The following HIPK2 variants were observed in gnomAD, a reference collection of about 807,000 sequenced individuals.
The protein encoded by HIPK2 is homeodomain-interacting protein kinase 2.
A neutral mutation model predicts 113.7 loss-of-function variants in HIPK2; 27 were observed. The ratio of observed to expected loss-of-function variants is 0.24; its 90% CI spans 0.17 to 0.33. The LOEUF is 0.33. HIPK2 is among the 10% of genes least tolerant of loss of function. The pLI is 1.00. For missense variants in HIPK2, 1,257 were observed against 1,588.0 expected, an observed-to-expected ratio of 0.79 and a Z score of 3.54; for synonymous variants, 631 against 642.2, an observed-to-expected ratio of 0.98 and a Z score of 0.26.
intron 1 of HIPK2, among the ~76,000 whole-genome samples, chr7:139,749,414 C>A (rs555373456): frequency 1.1e-4 from 17 of 152,306 alleles, no homozygotes; most frequent in African/African-American, 4.1e-4. Flanking sequence ...TGCTAGAAAA[C>A]CTGGCTTGAA....
At chr7:139,715,833 G>C (rs1795216277) in intron 2 of HIPK2, 99 bp downstream of exon 2, 1 of 1,471,236 alleles carries the variant, frequency 6.8e-7, no homozygotes. Flanking sequence ...AGGAACTGTA[G>C]ACATATAATT....
intron 1 of HIPK2, among the ~76,000 whole-genome samples, chr7:139,775,969 G>C (rs569814545): frequency 2.6e-5 from 4 of 152,292 alleles, no homozygotes; most frequent in African/African-American, 9.6e-5. Context: ...AACTCACCGG[G>C]AGTGTCCAGC....
At chr7:139,642,799 G>A (rs926637199) in intron 2 of HIPK2, among the ~76,000 whole-genome samples, 2 of 152,224 alleles carry the variant, frequency 1.3e-5, no homozygotes, top group African/African-American at 2.4e-5. Context: ...CACCCATTGC[G>A]CTGGCTTCCA....
chr7:139,631,858 G>A lies in HIPK2; in HGVS notation c.1104-133C>T. On this transcript the variant is annotated intron_variant, in intron 2 of 14. Transcript: ENST00000406875. This position sits in a 1 kb window ranked among gnomAD's most constrained non-coding sequence, Gnocchi z 4.9. ...TGAAGGGCCTGTGGCTCTCAGGAGA[G>A]GCGCTGTGCTACAACAATCCTTCCA... The A allele has an allele frequency of 8.9e-7, 1 of 1,128,460 alleles. No homozygotes were observed. The allele number at this position is 1,128,460 out of a possible 1,614,324, so 69.9% of individuals were successfully genotyped here.
At chr7:139,600,629 G>C in intron 10 of HIPK2, 33 bp from the exon 11 acceptor site, 5 of 1,603,118 alleles carry the variant, frequency 3.1e-6, no homozygotes, top group Non-Finnish European at 4.3e-6. Context: ...AGGTGCCTTA[G>C]AGGTGTTCTA....
intron 2 of HIPK2, among the ~76,000 whole-genome samples, chr7:139,712,518 C>A (rs1795102052): frequency 1.3e-5 from 2 of 152,244 alleles, no homozygotes; most frequent in South Asian, 2.1e-4. Context: ...TCCCCACCCA[C>A]CACCTGCAGG....
intron 6 of HIPK2, among the ~76,000 whole-genome samples, chr7:139,625,965 G>C (rs571405464): frequency 6.6e-6 from 1 of 152,058 alleles, no homozygotes; most frequent in Non-Finnish European, 1.5e-5. Flanking sequence ...CTACCGTTTC[G>C]GGCACCTCTC....
chr7:139,753,391 A>G (rs1796311903), intron 1 of HIPK2, among the ~76,000 whole-genome samples: 1 of 152,202 alleles, frequency 6.6e-6, no homozygotes, highest in African/African-American at 2.4e-5. Context: ...ATGTCACACC[A>G]TTCCTTGGGA....
intron 12 of HIPK2, among the ~76,000 whole-genome samples, chr7:139,592,827 A>G (rs1799073521): frequency 6.6e-6 from 1 of 152,226 alleles, no homozygotes; most frequent in South Asian, 2.1e-4. Flanking sequence ...ACCCAGAACA[A>G]TATCTGTTTG....
At chr7:139,774,970 C>A (rs1256523356) in intron 1 of HIPK2, among the ~76,000 whole-genome samples, 1 of 152,200 alleles carries the variant, frequency 6.6e-6, no homozygotes, top group Non-Finnish European at 1.5e-5. Context: ...ATCAAATACC[C>A]CTTGTTTCAA....
At chr7:139,729,321 C>G (rs1386319530) in intron 1 of HIPK2, among the ~76,000 whole-genome samples, 1 of 118,974 alleles carries the variant, frequency 8.4e-6, no homozygotes, top group African/African-American at 3.3e-5. Flanking sequence ...TAGACCCTGT[C>G]TCTGAGAGAG....
At chr7:139,715,637 G>C (rs1795206556) in intron 2 of HIPK2, among the ~76,000 whole-genome samples, 1 of 152,164 alleles carries the variant, frequency 6.6e-6, no homozygotes, top group African/African-American at 2.4e-5. Context: ...TCCACCACCT[G>C]TCTGGATCCT....
intron 2 of HIPK2, among the ~76,000 whole-genome samples, chr7:139,707,239 G>A (rs1270406187): frequency 1.3e-5 from 2 of 152,258 alleles, no homozygotes; most frequent in Non-Finnish European, 2.9e-5. Flanking sequence ...TGCTCTTGGG[G>A]AAATTCGAGA....
At position 139,631,461 on chromosome 7, in the gene HIPK2, G is replaced by A. The variant is rs866452168; in HGVS notation, c.1227+141C>T. 6.3e-6 allele frequency: 9 copies of A among 1,432,508 alleles called. No homozygotes were observed. The Middle Eastern group carries it at 1.7e-3, about 265-fold the overall frequency. 88.7% of individuals were successfully genotyped at this position (1,432,508 alleles called of 1,614,324 possible). A position where few individuals can be genotyped will look rare whatever the true frequency, so the allele number is the denominator to read the frequency against. On this transcript the variant is annotated intron_variant, in intron 3 of 14. Transcript: ENST00000406875. This position sits in a 1 kb window ranked among gnomAD's most constrained non-coding sequence, Gnocchi z 4.9. ...GAAAGGAATAAAGAAAAAATAGCAA[G>A]GTTAAGGGAAGCAAGGTTTGGGAGA... is the stretch of plus-strand genomic sequence containing the variant.
intron 2 of HIPK2, among the ~76,000 whole-genome samples, chr7:139,671,190 G>C (rs1473220791): frequency 6.6e-6 from 1 of 152,128 alleles, no homozygotes; most frequent in Non-Finnish European, 1.5e-5. Flanking sequence ...AGAACATTAA[G>C]ATATTTTTAT....
chr7:139,625,836 C>T lies in HIPK2; in HGVS notation c.1619+765G>A, dbSNP rs1001529356. On this transcript the variant is annotated intron_variant, in intron 6 of 14. Transcript: ENST00000406875. ...GTCTGCTCTGCTCACCACTGTACCC[C>T]GGCACACAGCACGCTGAAGAAATGA... Among the ~76,000 whole-genome samples, 8 of 152,184 alleles carry T rather than the reference C, an allele frequency of 5.3e-5. No homozygotes were observed. In the South Asian group the frequency reaches 6.2e-4, roughly 12 times the overall value.
chr7:139,624,532 T>C (rs1800358334), intron 6 of HIPK2, among the ~76,000 whole-genome samples: 3 of 152,122 alleles, frequency 2.0e-5, no homozygotes, highest in Non-Finnish European at 4.4e-5. Flanking sequence ...AAACCTGAAA[T>C]TGCTCCACCT....
chr7:139,681,132 A>C (rs1349966150), intron 2 of HIPK2, among the ~76,000 whole-genome samples: 3 of 152,222 alleles, frequency 2.0e-5, no homozygotes. Flanking sequence ...CGTCAACCAC[A>C]GCTCTCTGAT....
intron 1 of HIPK2, among the ~76,000 whole-genome samples, chr7:139,724,242 G>A (rs1474802086): frequency 6.6e-6 from 1 of 151,838 alleles, no homozygotes; most frequent in Non-Finnish European, 1.5e-5. Context: ...AATACCTCAG[G>A]GGGTCAAAAA....
Sources: allele counts gnomAD v4.1 joint callset (sites outside exome capture counted in the v4.1 genomes callset), GRCh38; gene constraint gnomAD v4.1.1; non-coding constraint Gnocchi (gnomAD v3.1); transcripts MANE v1.5; gene names NCBI Gene and HGNC (gene_info 2026-07-23, HGNC 2026-07-21).